RASGRP3: variants seen among roughly 807,000 people sequenced by gnomAD.
RASGRP3 encodes ras guanyl-releasing protein 3.
In RASGRP3, 54 loss-of-function variants were observed where a neutral mutation model predicts 82.7. The observed-to-expected ratio is 0.65, with a 90% confidence interval of 0.52 to 0.82. The LOEUF (loss-of-function observed/expected upper bound fraction) is 0.82, where lower values mean the gene tolerates loss of function less well. Among genes scored for constraint, RASGRP3 ranks in the 40% least tolerant of loss-of-function variants. RASGRP3 has a pLI of 0.00. For synonymous variants in RASGRP3, 309 were observed against 300.5 expected, an observed-to-expected ratio of 1.03 and a Z score of -0.29; for missense variants, 861 against 828.9, an observed-to-expected ratio of 1.04 and a Z score of -0.48.
chr2:33,474,156 T>A (rs925441724), upstream of RASGRP3, among the ~76,000 whole-genome samples: 7 of 152,056 alleles, frequency 4.6e-5, no homozygotes, highest in African/African-American at 1.7e-4. Context: ...TGGGGACTCC[T>A]GCTTTACACT....
intron 2 of RASGRP3, among the ~76,000 whole-genome samples, chr2:33,462,638 A>G (rs1666444220): frequency 6.6e-6 from 1 of 152,176 alleles, no homozygotes. Context: ...TCAGCCTCCC[A>G]AAGTACTGGG....
intron 10 of RASGRP3, chr2:33,530,942 G>A (rs1298997563): frequency 6.6e-6 from 1 of 152,136 alleles, no homozygotes; most frequent in Non-Finnish European, 1.5e-5. Context: ...TCTGTTGCGT[G>A]GGGTATGAAA....
intron 9 of RASGRP3, among the ~76,000 whole-genome samples, chr2:33,526,592 T>C (rs1672589200): frequency 6.6e-6 from 1 of 152,212 alleles, no homozygotes; most frequent in Non-Finnish European, 1.5e-5. Flanking sequence ...TTTAAAATTA[T>C]GTATCGGAAC....
chr2:33,511,120 A>C (rs973453718), intron 1 of RASGRP3, among the ~76,000 whole-genome samples: 2 of 152,200 alleles, frequency 1.3e-5, no homozygotes, highest in African/African-American at 2.4e-5. Context: ...CCCTGGGAGA[A>C]ATTTGGCTTA....
chr2:33,551,301 A>G (rs955377429), intron 14 of RASGRP3, among the ~76,000 whole-genome samples: 7 of 152,158 alleles, frequency 4.6e-5, no homozygotes, highest in African/African-American at 1.7e-4. Flanking sequence ...TGACAGAGCG[A>G]GACTCAGTCT....
At chr2:33,558,169 T>A in intron 15 of RASGRP3, 42 bp from the exon 16 acceptor site, 1 of 1,594,474 alleles carries the variant, frequency 6.3e-7, no homozygotes, top group Non-Finnish European at 8.5e-7. Flanking sequence ...TGAATCAACA[T>A]CAGACACACT....
intron 2 of RASGRP3, chr2:33,513,770 A>G (rs557860007): frequency 6.6e-6 from 1 of 152,276 alleles, no homozygotes; most frequent in African/African-American, 2.4e-5. Context: ...CGTTTTCCCC[A>G]TGACAGTGCT....
At chr2:33,444,182 T>G (rs1364982049) in intron 1 of RASGRP3, among the ~76,000 whole-genome samples, 2 of 152,106 alleles carry the variant, frequency 1.3e-5, no homozygotes, top group Non-Finnish European at 1.5e-5. Flanking sequence ...GGTGCATGCC[T>G]GTAGTCCTAG....
chr2:33,527,985 C>T (rs1429321208), intron 10 of RASGRP3, among the ~76,000 whole-genome samples: 21 of 152,206 alleles, frequency 1.4e-4, no homozygotes, highest in Admixed American at 1.4e-3. Context: ...ATACTTTCCA[C>T]CCCATGAAAT....
chr2:33,476,744 T>TC (rs1667405649), intron 1 of RASGRP3, 37 bp downstream of exon 1: 1 of 140,012 alleles, frequency 7.1e-6, no homozygotes. Context: ...TCTCTCTCTC[T>TC]TTCATTCCCT....
chr2:33,451,393 G>A (rs1665793902), intron 2 of RASGRP3, among the ~76,000 whole-genome samples: 1 of 152,040 alleles, frequency 6.6e-6, no homozygotes, highest in Non-Finnish European at 1.5e-5. Flanking sequence ...TATTTGCTGT[G>A]CAGAAGCATT....
At chr2:33,498,986 C>T (rs1379948291) in intron 1 of RASGRP3, among the ~76,000 whole-genome samples, 1 of 152,154 alleles carries the variant, frequency 6.6e-6, no homozygotes, top group African/African-American at 2.4e-5. Context: ...TCCTCTTTAA[C>T]AATCTGTAAT....
intron 17 of RASGRP3, among the ~76,000 whole-genome samples, chr2:33,559,304 G>A (rs12478596): frequency 0.13 from 19,287 of 152,182 alleles, 1,322 homozygotes; most frequent in African/African-American, 0.17. Context: ...GTACTGAAAT[G>A]ATGCCCCAGA....
chr2:33,437,205 AATT>A (rs1664974451), intron 1 of RASGRP3, among the ~76,000 whole-genome samples: 1 of 152,194 alleles, frequency 6.6e-6, no homozygotes, highest in African/African-American at 2.4e-5. Flanking sequence ...TGTAGATTTA[AATT>A]ATTATTTCCA....
chr2:33,465,030 T>C (rs1558407160), intron 2 of RASGRP3, among the ~76,000 whole-genome samples: 1 of 152,180 alleles, frequency 6.6e-6, no homozygotes, highest in South Asian at 2.1e-4. Context: ...TTTCTTACTT[T>C]AGATCAAAAG....
At chr2:33,555,780 T>TC (rs1285917031) in intron 15 of RASGRP3, among the ~76,000 whole-genome samples, 2 of 152,210 alleles carry the variant, frequency 1.3e-5, no homozygotes, top group East Asian at 3.8e-4. Context: ...ACCACTCTTA[T>TC]CAACACACAT....
chr2:33,519,483 G>A (rs781668405), intron 4 of RASGRP3, among the ~76,000 whole-genome samples: 8 of 152,060 alleles, frequency 5.3e-5, no homozygotes, highest in Non-Finnish European at 8.8e-5. Flanking sequence ...AGGCATGTTG[G>A]CGGGTTCCCA....
At chr2:33,537,025 C>A (rs1574453351) in intron 11 of RASGRP3, among the ~76,000 whole-genome samples, 2 of 152,096 alleles carry the variant, frequency 1.3e-5, no homozygotes, top group East Asian at 3.9e-4. Flanking sequence ...GTACCTGAGT[C>A]CTTGTCTGGC....
chr2:33,563,016 T>C lies in RASGRP3; in HGVS notation c.*279T>C. On this transcript the variant is annotated 3_prime_UTR_variant, in exon 18 of 18. Transcript: ENST00000403687. Reference sequence around the variant, plus strand: ...TACTTTTTTCTCATGTATCTTTCTCTAGACCATTTATATACGGGTGAAATG... The same window carrying C: ...TACTTTTTTCTCATGTATCTTTCTCCAGACCATTTATATACGGGTGAAATG... 6.4e-6 allele frequency: 3 copies of C among 470,286 alleles called. No homozygotes were observed. The highest frequency in any genetic ancestry group is 3.9e-5 in the Admixed American group (1 of 25,484). 29.1% of individuals were successfully genotyped at this position (470,286 alleles called of 1,614,324 possible). A position where few individuals can be genotyped will look rare whatever the true frequency, so the allele number is the denominator to read the frequency against.
Sources: allele counts gnomAD v4.1 joint callset (sites outside exome capture counted in the v4.1 genomes callset), GRCh38; gene constraint gnomAD v4.1.1; transcripts MANE v1.5; gene names NCBI Gene and HGNC (gene_info 2026-07-23, HGNC 2026-07-21).